The following MEGF11 variants were observed in gnomAD, a reference collection of about 807,000 sequenced individuals.
MEGF11 encodes the protein multiple EGF like domains 11, also known as multiple epidermal growth factor-like domains protein 11.
Under a neutral mutation model 146.6 loss-of-function variants are expected in MEGF11, and 126 were observed. The observed-to-expected ratio is 0.86, with a 90% CI of 0.74 to 1.00. MEGF11 has a LOEUF of 1.00. Ranked by LOEUF, MEGF11 falls within the 50% of genes least tolerant of loss-of-function variation. The pLI is 0.00. For missense variants in MEGF11, 1,509 were observed against 1,521.2 expected (o/e 0.99, Z 0.13); for synonymous variants, 532 against 583.4 (o/e 0.91, Z 1.27).
chr15:65,994,781 G>A (rs1451715750), intron 5 of MEGF11, among the ~76,000 whole-genome samples: 1 of 152,208 alleles, frequency 6.6e-6, no homozygotes, highest in Non-Finnish European at 1.5e-5. Context: ...TGATCGTCCA[G>A]CAGCATTCAC....
intron 9 of MEGF11, among the ~76,000 whole-genome samples, chr15:65,962,973 C>T (rs2080918434): frequency 6.6e-6 from 1 of 152,172 alleles, no homozygotes; most frequent in Non-Finnish European, 1.5e-5. Context: ...GAGGGGGAGT[C>T]CTTTCAGATT....
intron 5 of MEGF11, among the ~76,000 whole-genome samples, chr15:66,079,560 C>A (rs2085754870): frequency 6.7e-6 from 1 of 150,258 alleles, no homozygotes; most frequent in African/African-American, 2.5e-5. Flanking sequence ...GCACCCCCGC[C>A]AAAACTCAGG....
intron 1 of MEGF11, among the ~76,000 whole-genome samples, chr15:66,226,500 G>A (rs371628955): frequency 6.6e-6 from 1 of 151,946 alleles, no homozygotes. Context: ...CACCCACCTC[G>A]GCCTCCCAAA....
chr15:66,112,880 C>T (rs1351167552), intron 4 of MEGF11, among the ~76,000 whole-genome samples: 1 of 152,146 alleles, frequency 6.6e-6, no homozygotes, highest in Non-Finnish European at 1.5e-5. Flanking sequence ...GCATTGGTAA[C>T]TCATAGACCT....
chr15:66,193,432 C>G (rs987296482), intron 1 of MEGF11, among the ~76,000 whole-genome samples: 7 of 152,200 alleles, frequency 4.6e-5, no homozygotes, highest in African/African-American at 1.7e-4. Context: ...AAAGTAGGTG[C>G]AGACCCTAAA....
intron 1 of MEGF11, among the ~76,000 whole-genome samples, chr15:66,213,720 A>T (rs1473334087): frequency 1.3e-5 from 2 of 151,874 alleles, no homozygotes; most frequent in Non-Finnish European, 2.9e-5. Flanking sequence ...CCCAGCCTTA[A>T]ATTGTTTATT....
chr15:66,127,749 C>T (rs2088433509), intron 2 of MEGF11, among the ~76,000 whole-genome samples: 1 of 152,290 alleles, frequency 6.6e-6, no homozygotes, highest in South Asian at 2.1e-4. Flanking sequence ...GGACCTAGCG[C>T]CGCAGCTGGA....
chr15:66,191,748 A>T (rs1316320289), intron 1 of MEGF11, among the ~76,000 whole-genome samples: 1 of 152,066 alleles, frequency 6.6e-6, no homozygotes, highest in African/African-American at 2.4e-5. Context: ...GGCCTGGGGG[A>T]CCCCAGTGGA....
chr15:66,218,151 C>T (rs2091634302), intron 1 of MEGF11, among the ~76,000 whole-genome samples: 1 of 152,088 alleles, frequency 6.6e-6, no homozygotes, highest in African/African-American at 2.4e-5. Context: ...ACCTATATGT[C>T]CCCAAAATTT....
At chr15:65,923,090 T>A in intron 13 of MEGF11, 121 bp from the exon 14 acceptor site, 1 of 1,098,178 alleles carries the variant, frequency 9.1e-7, no homozygotes, top group Non-Finnish European at 1.3e-6. Context: ...TCCAGGAATG[T>A]AGAGGAGAAA....
chr15:65,970,961 GTCC>G (rs1354079087), intron 7 of MEGF11: 11 of 473,332 alleles, frequency 2.3e-5, no homozygotes, highest in African/African-American at 5.8e-5. Flanking sequence ...TTTGATTCCT[GTCC>G]TCCTAGTCTA....
chr15:66,247,627 T>C (rs1218827305), intron 1 of MEGF11, among the ~76,000 whole-genome samples: 1 of 152,136 alleles, frequency 6.6e-6, no homozygotes, highest in Non-Finnish European at 1.5e-5. Flanking sequence ...TGTGGTCCCA[T>C]CTACTCAGGA....
intron 1 of MEGF11, among the ~76,000 whole-genome samples, chr15:66,139,642 CA>C (rs1236703468): frequency 6.6e-6 from 1 of 150,596 alleles, no homozygotes; most frequent in Non-Finnish European, 1.5e-5. Flanking sequence ...GAGAAAATTA[CA>C]AAAGGTGGCC....
At chr15:65,941,755 A>G (rs981418799) in intron 10 of MEGF11, among the ~76,000 whole-genome samples, 5 of 152,234 alleles carry the variant, frequency 3.3e-5, no homozygotes, top group Non-Finnish European at 7.3e-5. Context: ...AGGAGACCCA[A>G]AATCTAAAAT....
rs536163393 is a variant in MEGF11, at chr15:66,041,783, T to G, written c.394+52619A>C. On this transcript the variant is annotated intron_variant, in intron 5 of 25. Transcript: ENST00000395614. ...TCATTTAAGCCTTCTAACTACCCTC[T>G]GAGTTTAGGGCTCATAATATCATCA... is the stretch of plus-strand genomic sequence containing the variant. Among the ~76,000 whole-genome samples the G allele has an allele frequency of 1.3e-4, 20 of 152,324 alleles. 1 individual carries two copies. Among genetic ancestry groups the G allele is most frequent in the Admixed American group, 1.2e-3 (19 of 15,300 alleles).
chr15:65,981,925 G>C (rs2081652946), intron 6 of MEGF11, among the ~76,000 whole-genome samples: 1 of 152,198 alleles, frequency 6.6e-6, no homozygotes, highest in African/African-American at 2.4e-5. Flanking sequence ...CCTCCTGGGA[G>C]GGTTTTAGGG....
At chr15:66,226,105 C>A (rs1452248460) in intron 1 of MEGF11, among the ~76,000 whole-genome samples, 1 of 152,216 alleles carries the variant, frequency 6.6e-6, no homozygotes, top group Non-Finnish European at 1.5e-5. Context: ...CCTCTTACTC[C>A]CTCCAGCCCG....
At chr15:66,110,417 C>A (rs2140852870) in intron 4 of MEGF11, among the ~76,000 whole-genome samples, 1 of 152,268 alleles carries the variant, frequency 6.6e-6, no homozygotes, top group East Asian at 1.9e-4. Context: ...GGGGACCAGA[C>A]CACGGTGGCT....
intron 5 of MEGF11, among the ~76,000 whole-genome samples, chr15:66,049,961 C>T (rs985462582): frequency 3.3e-5 from 5 of 152,182 alleles, no homozygotes; most frequent in Non-Finnish European, 5.9e-5. Context: ...TTATCAAGGG[C>T]TTCTTATGGG....
Sources: allele counts gnomAD v4.1 joint callset (sites outside exome capture counted in the v4.1 genomes callset), GRCh38; gene constraint gnomAD v4.1.1; transcripts MANE v1.5; gene names NCBI Gene and HGNC (gene_info 2026-07-23, HGNC 2026-07-21).